Variants in NRG3 observed in about 807,000 individuals in gnomAD.
NRG3 encodes the protein neuregulin 3, also known as pro-neuregulin-3, membrane-bound isoform.
In NRG3, 31 loss-of-function variants were observed where a neutral mutation model predicts 66.9. The ratio of observed to expected loss-of-function variants is 0.46; its 90% CI spans 0.35 to 0.63. The LOEUF (loss-of-function observed/expected upper bound fraction) is 0.63. Ranked by LOEUF, NRG3 falls within the 20% of genes least tolerant of loss-of-function variation. NRG3 has a pLI of 0.00. For missense variants in NRG3, 910 were observed against 878.9 expected, an observed-to-expected ratio of 1.04 and a Z score of -0.45; for synonymous variants, 393 against 359.4, an observed-to-expected ratio of 1.09 and a Z score of -1.06.
rs191390328 is a variant in NRG3, at chr10:81,892,687, C to T, written c.823+16524C>T. Among the ~76,000 whole-genome samples the T allele has an allele frequency of 1.9e-3, 285 of 152,086 alleles. 3 individuals carry two copies. The highest frequency in any genetic ancestry group is 0.016 in the Admixed American group (244 of 15,256). On this transcript the variant is annotated intron_variant, in intron 1 of 8. Transcript: ENST00000372141. ...GACTGAGAAGGGTAGTGAGGGGTTA[C>T]AGGAGAGGTAGGGATGGTTGATGGG... is the stretch of plus-strand genomic sequence containing the variant.
At chr10:82,761,032 C>A (rs2059284500) in intron 3 of NRG3, among the ~76,000 whole-genome samples, 2 of 151,366 alleles carry the variant, frequency 1.3e-5, no homozygotes, top group East Asian at 1.9e-4. Flanking sequence ...ATTGGGTGCC[C>A]ACATGAAAAT....
chr10:82,543,611 G>A (rs994211830), intron 2 of NRG3, among the ~76,000 whole-genome samples: 1 of 152,080 alleles, frequency 6.6e-6, no homozygotes. Context: ...ATAAAACTCA[G>A]GTTCCACTGT....
At chr10:82,212,054 A>G (rs1007598522) in intron 1 of NRG3, among the ~76,000 whole-genome samples, 2 of 152,116 alleles carry the variant, frequency 1.3e-5, no homozygotes, top group African/African-American at 4.8e-5. Flanking sequence ...TACATTTACG[A>G]GTTCTTTGAC....
At chr10:82,637,900 A>G (rs776766300) in intron 2 of NRG3, among the ~76,000 whole-genome samples, 7 of 141,620 alleles carry the variant, frequency 4.9e-5, no homozygotes, top group Non-Finnish European at 9.2e-5. Context: ...CCCAATTTTG[A>G]TATTTATATC....
At chr10:82,470,853 C>T (rs1841185179) in intron 2 of NRG3, among the ~76,000 whole-genome samples, 1 of 152,306 alleles carries the variant, frequency 6.6e-6, no homozygotes, top group East Asian at 1.9e-4. Flanking sequence ...CCTGCCTCCT[C>T]AAGCTCCCCT....
intron 2 of NRG3, among the ~76,000 whole-genome samples, chr10:82,686,497 A>G (rs1218015209): frequency 6.6e-6 from 1 of 152,084 alleles, no homozygotes; most frequent in Non-Finnish European, 1.5e-5. Flanking sequence ...CCCATGTGCT[A>G]TACTTTTATA....
intron 1 of NRG3, among the ~76,000 whole-genome samples, chr10:82,355,158 T>G (rs780848384): frequency 1.6e-4 from 24 of 152,214 alleles, no homozygotes; most frequent in Non-Finnish European, 2.2e-4. Flanking sequence ...AAGTGTTGAA[T>G]TTGCTCACAG....
intron 2 of NRG3, among the ~76,000 whole-genome samples, chr10:82,457,884 G>C (rs576805059): frequency 6.6e-6 from 1 of 152,176 alleles, no homozygotes; most frequent in African/African-American, 2.4e-5. Context: ...TGATTTTTCC[G>C]CTAAGAAAAT....
intron 1 of NRG3, among the ~76,000 whole-genome samples, chr10:82,250,760 C>T (rs2077448292): frequency 6.6e-6 from 1 of 152,174 alleles, no homozygotes; most frequent in Non-Finnish European, 1.5e-5. Context: ...TGTCCAGACT[C>T]CCCATCTACG....
rs956501936 is a variant in NRG3 at position 82,986,308 on chromosome 10, T to C, written c.*703T>C. The C allele has an allele frequency of 3.9e-5, 6 of 152,098 alleles. No individual in the cohort carries two copies. The highest frequency in any genetic ancestry group is 9.7e-5 in the African/African-American group (4 of 41,404). 9.4% of individuals were successfully genotyped at this position (152,098 alleles called of 1,614,324 possible). A position where few individuals can be genotyped will look rare whatever the true frequency, so the allele number is the denominator to read the frequency against. On this transcript the variant is annotated 3_prime_UTR_variant, in exon 9 of 9. Coordinates refer to ENST00000372141, the MANE Select transcript of NRG3 (RefSeq NM_001010848.4). ...GTCACTAAAATCATGCTAATAGAAA[T>C]GTTTTTCCTTGAGATTGTTTAGAGG...
intron 1 of NRG3, among the ~76,000 whole-genome samples, chr10:82,184,576 G>A (rs2073675927): frequency 6.6e-6 from 1 of 152,094 alleles, no homozygotes; most frequent in Non-Finnish European, 1.5e-5. Context: ...ATATGTAAAA[G>A]AAACACATTT....
At chr10:81,942,946 A>C (rs866047737) in intron 1 of NRG3, among the ~76,000 whole-genome samples, 4 of 152,206 alleles carry the variant, frequency 2.6e-5, no homozygotes, top group Non-Finnish European at 5.9e-5. Flanking sequence ...AGAACATTAA[A>C]GTTAGAGTCT....
chr10:82,935,533 C>T (rs529788245), intron 4 of NRG3, among the ~76,000 whole-genome samples: 10 of 152,162 alleles, frequency 6.6e-5, no homozygotes, highest in East Asian at 1.9e-4. Context: ...ACATAAACAA[C>T]GCCCATGACT....
intron 1 of NRG3, among the ~76,000 whole-genome samples, chr10:82,311,566 A>T (rs1003164689): frequency 7.2e-5 from 11 of 152,080 alleles, no homozygotes; most frequent in Non-Finnish European, 1.2e-4. Flanking sequence ...ACAACAACAA[A>T]CTCACAAAAA....
chr10:82,699,154 G>T (rs2055631898), intron 2 of NRG3, among the ~76,000 whole-genome samples: 1 of 152,060 alleles, frequency 6.6e-6, no homozygotes. Context: ...ATCAATTTGT[G>T]TTAATCTTGA....
chr10:81,888,909 T>G (rs1842813639), intron 1 of NRG3, among the ~76,000 whole-genome samples: 1 of 152,204 alleles, frequency 6.6e-6, no homozygotes, highest in Non-Finnish European at 1.5e-5. Flanking sequence ...TAAGGCTAAC[T>G]TGTTCCAAAT....
intron 1 of NRG3, among the ~76,000 whole-genome samples, chr10:82,164,528 A>G (rs1278215031): frequency 6.6e-6 from 1 of 151,844 alleles, no homozygotes; most frequent in African/African-American, 2.4e-5. Flanking sequence ...TGCCCTTTAC[A>G]CACACACACC....
At chr10:82,110,084 A>G (rs966980231) in intron 1 of NRG3, among the ~76,000 whole-genome samples, 1 of 152,220 alleles carries the variant, frequency 6.6e-6, no homozygotes, top group Non-Finnish European at 1.5e-5. Flanking sequence ...TTTGATGGTC[A>G]TAAGTGCTAC....
intron 2 of NRG3, among the ~76,000 whole-genome samples, chr10:82,372,547 G>T (rs2084954000): frequency 6.6e-6 from 1 of 152,096 alleles, no homozygotes; most frequent in Non-Finnish European, 1.5e-5. Context: ...TATTCACAAA[G>T]ACAATTTTAT....
Sources: gnomAD v4.1 joint callset for allele counts (sites outside exome capture counted in the v4.1 genomes callset) on GRCh38, gnomAD v4.1.1 for gene constraint, MANE v1.5 for transcripts, NCBI Gene and HGNC (gene_info 2026-07-23, HGNC 2026-07-21) for gene names.